Variants in LAMA3 observed in about 807,000 individuals in gnomAD.
The protein encoded by LAMA3 is laminin subunit alpha 3, also known as laminin subunit alpha-3.
Under a neutral mutation model 402.0 loss-of-function variants are expected in LAMA3, and 281 were observed. The observed-to-expected ratio is 0.70, with a 90% CI of 0.63 to 0.77. LAMA3 has a LOEUF of 0.77. Ranked by LOEUF, LAMA3 falls within the 30% of genes least tolerant of loss-of-function variation. LAMA3 has a pLI of 0.00. For synonymous variants in LAMA3, 1,431 were observed against 1,558.4 expected (o/e 0.92, Z 1.93); for missense variants, 3,840 against 4,215.5 (o/e 0.91, Z 2.47).
At chr18:23,724,643 T>G (rs934593052) in intron 2 of LAMA3, among the ~76,000 whole-genome samples, 1 of 152,246 alleles carries the variant, frequency 6.6e-6, no homozygotes, top group Non-Finnish European at 1.5e-5. Flanking sequence ...TAGCTAATCT[T>G]GAAAACTATT....
chr18:23,747,649 G>T (rs1442478815), intron 2 of LAMA3, among the ~76,000 whole-genome samples: 3 of 152,202 alleles, frequency 2.0e-5, no homozygotes, highest in African/African-American at 7.2e-5. Flanking sequence ...TAGACTTTAA[G>T]ATACACTGTA....
intron 37 of LAMA3, 74 bp downstream of exon 37, chr18:23,867,991 C>A: frequency 8.4e-7 from 1 of 1,184,070 alleles, no homozygotes; most frequent in Non-Finnish European, 1.3e-6. Context: ...ATGATTTTTA[C>A]TCATTTTAAG....
At chr18:23,801,757 A>G (rs769922848) in intron 12 of LAMA3, among the ~76,000 whole-genome samples, 6 of 152,144 alleles carry the variant, frequency 3.9e-5, no homozygotes, top group Non-Finnish European at 5.9e-5. Flanking sequence ...ATGATATCTC[A>G]TTGTGGGTTT....
intron 24 of LAMA3, among the ~76,000 whole-genome samples, chr18:23,836,690 C>T (rs945029020): frequency 2.6e-5 from 4 of 152,020 alleles, no homozygotes; most frequent in Non-Finnish European, 5.9e-5. Flanking sequence ...AGTTACTGAC[C>T]CTGGGGCCCT....
At chr18:23,938,237 G>A (rs1315714256) in intron 67 of LAMA3, among the ~76,000 whole-genome samples, 2 of 152,106 alleles carry the variant, frequency 1.3e-5, no homozygotes, top group South Asian at 2.1e-4. Context: ...GAGGGGTCAC[G>A]TGTTTATTTC....
intron 18 of LAMA3, among the ~76,000 whole-genome samples, chr18:23,816,864 G>C (rs1310343585): frequency 5.3e-5 from 8 of 152,124 alleles, no homozygotes; most frequent in Admixed American, 5.2e-4. Context: ...GAATAAGAGG[G>C]GGTGGTGCCA....
chr18:23,744,761 G>A (rs1294771779), intron 2 of LAMA3, among the ~76,000 whole-genome samples: 4 of 150,592 alleles, frequency 2.7e-5, no homozygotes, highest in African/African-American at 9.8e-5. Context: ...GAACCTGGGA[G>A]GCGGAGCTTG....
intron 47 of LAMA3, 110 bp from the exon 48 acceptor site, chr18:23,901,017 C>A: frequency 1.0e-6 from 1 of 993,574 alleles, no homozygotes; most frequent in Non-Finnish European, 1.6e-6. Context: ...CTCCAAAGTT[C>A]AAGGAAAACC....
At chr18:23,800,335 A>G (rs1473763725) in intron 12 of LAMA3, among the ~76,000 whole-genome samples, 2 of 152,234 alleles carry the variant, frequency 1.3e-5, no homozygotes, top group Non-Finnish European at 2.9e-5. Context: ...TGTGGTATTA[A>G]GTCAATACAT....
chr18:23,857,723 AG>A lies in LAMA3; in HGVS notation c.4137-120del. The stretch of plus-strand genomic sequence containing the variant: ...TCTCTCCATTCTGCCTTGGACTATA[AG>A]CAGGCATTGTATCTATTTAACTGGC... On this transcript the variant is annotated intron_variant, in intron 32 of 74. Transcript: ENST00000313654. The A allele has an allele frequency of 2.4e-6, 3 of 1,232,110 alleles. No homozygotes were observed. The Admixed American group carries it at 5.1e-5, about 21-fold the overall frequency. 76.3% of individuals were successfully genotyped at this position (1,232,110 alleles called of 1,614,324 possible).
chr18:23,944,080 G>C, intron 69 of LAMA3, 109 bp downstream of exon 69: 1 of 1,094,324 alleles, frequency 9.1e-7, no homozygotes, highest in Non-Finnish European at 1.4e-6. Flanking sequence ...CGTGGAGTGG[G>C]AGAGCTTGTG....
chr18:23,735,484 A>G (rs1375570558), intron 2 of LAMA3, among the ~76,000 whole-genome samples: 1 of 151,650 alleles, frequency 6.6e-6, no homozygotes, highest in Non-Finnish European at 1.5e-5. Flanking sequence ...CTCTTGTTTT[A>G]TTTCTGTTTT....
At chr18:23,909,342 G>A (rs1255069860) in intron 55 of LAMA3, 47 bp downstream of exon 55, 1 of 1,546,800 alleles carries the variant, frequency 6.5e-7, no homozygotes, top group Non-Finnish European at 8.9e-7. Flanking sequence ...GTTCTTTAAT[G>A]AGTTATCACA....
At chr18:23,778,488 T>C (rs748880959) in intron 11 of LAMA3, among the ~76,000 whole-genome samples, 56 of 152,338 alleles carry the variant, frequency 3.7e-4, no homozygotes, top group Non-Finnish European at 6.0e-4. Flanking sequence ...ATTCACATCA[T>C]AGGCATAAAC....
chr18:23,785,605 T>C (rs1415686654), intron 12 of LAMA3, among the ~76,000 whole-genome samples: 2 of 152,234 alleles, frequency 1.3e-5, no homozygotes, highest in Non-Finnish European at 2.9e-5. Context: ...TCTCCTGACC[T>C]ATACTTCCCT....
chr18:23,946,427 A>G (rs754457867), intron 70 of LAMA3, 143 bp downstream of exon 70: 7 of 965,162 alleles, frequency 7.3e-6, no homozygotes, highest in Admixed American at 4.0e-5. Flanking sequence ...AATGTTCACA[A>G]CCACATAGAG....
rs751551252 is a variant in LAMA3 at position 23,932,425 on chromosome 18, A to G, written c.8708+134A>G. 4.9e-6 allele frequency: 5 copies of G among 1,026,172 alleles called. No individual in the cohort carries two copies. In the East Asian group the frequency reaches 1.3e-4, roughly 26 times the overall value. The allele number at this position is 1,026,172 out of a possible 1,614,324, so 63.6% of individuals were successfully genotyped here. A position where few individuals can be genotyped will look rare whatever the true frequency, so the allele number is the denominator to read the frequency against. ...GACCCGCATACCACAGTCTTTCAAA[A>G]TGCCATCTTTGGCAAGATACACCCA... On this transcript the variant is annotated intron_variant, in intron 66 of 74. Coordinates refer to ENST00000313654, the MANE Select transcript of LAMA3 (RefSeq NM_198129.4).
chr18:23,775,824 T>A lies in LAMA3; in HGVS notation c.1306T>A (p.Cys436Ser). 1 of 1,614,036 alleles carries A rather than the reference T, an allele frequency of 6.2e-7. No homozygotes were observed. Residue 436 changes from cysteine (C) to serine (S), a missense_variant, in exon 10 of 75, where the codon TGT (cysteine) becomes AGT (serine). Coordinates refer to ENST00000313654, the MANE Select transcript of LAMA3 (RefSeq NM_198129.4). ...CSCDPEHADG[C>S]EQGSGRCHCK... ...CTGTGACCCTGAGCATGCGGATGGC[T>A]GTGAACAGGGTTCAGGCCGCTGTCA... is the stretch of plus-strand genomic sequence containing the variant.
intron 55 of LAMA3, among the ~76,000 whole-genome samples, chr18:23,910,884 A>G (rs372839199): frequency 2.0e-5 from 3 of 152,354 alleles, no homozygotes; most frequent in African/African-American, 7.2e-5. Flanking sequence ...AGGACTAATT[A>G]CAGTTTACAG....
Sources: gnomAD v4.1 joint callset for allele counts (sites outside exome capture counted in the v4.1 genomes callset) on GRCh38, gnomAD v4.1.1 for gene constraint, MANE v1.5 for transcripts, NCBI Gene and HGNC (gene_info 2026-07-23, HGNC 2026-07-21) for gene names.